Variants in WDSUB1 observed in about 807,000 individuals in gnomAD.
WDSUB1 encodes the protein WD repeat, sterile alpha motif and U-box domain containing 1.
WDSUB1 carries 49 observed loss-of-function variants against 53.9 expected under a neutral mutation model. The observed-to-expected ratio is 0.91, with a 90% CI of 0.72 to 1.15. The LOEUF is 1.15. WDSUB1 is among the 50% of genes most tolerant of loss of function. The probability of loss-of-function intolerance (pLI) is 0.00; values close to 1 mark genes in which losing one functional copy is unlikely to be tolerated. For missense variants in WDSUB1, 514 were observed against 562.0 expected, an observed-to-expected ratio of 0.91 and a Z score of 0.86; for synonymous variants, 194 against 200.6, an observed-to-expected ratio of 0.97 and a Z score of 0.28.
At chr2:159,245,958 T>C (rs73004950) in intron 10 of WDSUB1, among the ~76,000 whole-genome samples, 1,959 of 152,256 alleles carry the variant, frequency 0.013, 44 homozygotes, top group African/African-American at 0.044. Flanking sequence ...AGAGAAACTA[T>C]GTGCAATACA....
intron 10 of WDSUB1, among the ~76,000 whole-genome samples, chr2:159,246,077 G>A (rs774543547): frequency 2.0e-5 from 3 of 152,222 alleles, no homozygotes; most frequent in African/African-American, 7.2e-5. Context: ...ATATATGACT[G>A]GATAAATAAG....
At chr2:159,254,301 T>G (rs888743935) in intron 9 of WDSUB1, among the ~76,000 whole-genome samples, 22 of 152,178 alleles carry the variant, frequency 1.4e-4, no homozygotes. Flanking sequence ...GGCTCATGCC[T>G]GTAATCCTAG....
chr2:159,262,194 C>G (rs1255224432), intron 5 of WDSUB1, among the ~76,000 whole-genome samples: 1 of 151,854 alleles, frequency 6.6e-6, no homozygotes, highest in African/African-American at 2.4e-5. Context: ...TAGACTACCA[C>G]CAGAGACAAT....
chr2:159,254,880 C>G (rs1279243880), intron 9 of WDSUB1, among the ~76,000 whole-genome samples: 1 of 151,948 alleles, frequency 6.6e-6, no homozygotes, highest in Non-Finnish European at 1.5e-5. Flanking sequence ...CCCATAATCC[C>G]AACACTTTGG....
At chr2:159,240,216 T>C (rs2060607877) in intron 10 of WDSUB1, among the ~76,000 whole-genome samples, 1 of 151,586 alleles carries the variant, frequency 6.6e-6, no homozygotes. Flanking sequence ...CTCTACATAT[T>C]TGTGCATTTT....
chr2:159,242,981 G>A (rs1371095929), intron 10 of WDSUB1, among the ~76,000 whole-genome samples: 5 of 147,846 alleles, frequency 3.4e-5, no homozygotes, highest in South Asian at 2.1e-4. Flanking sequence ...AAATGTAGGT[G>A]GGAAAAGGAA....
rs2061447576 is a variant in WDSUB1, at chr2:159,271,745, G to C, written c.727C>G (p.Leu243Val). The C allele has an allele frequency of 6.2e-7, 1 of 1,614,022 alleles. No homozygotes were observed. The highest frequency in any genetic ancestry group is 1.1e-5 in the South Asian group (1 of 91,086). Residue 243 changes from leucine to valine, a missense_variant, in exon 5 of 11, where the codon CTG (leucine) becomes GTG (valine). Transcript: ENST00000359774. ...STLSGHCAPVLACAFSHDGQM... is the reference protein window; with the variant it reads ...STLSGHCAPVVACAFSHDGQM... ...CCATCATGGGAAAAAGCACAAGCCA[G>C]AACAGGAGCACAGTGCCCACTCAGT...
At chr2:159,283,361 G>A (rs147848173) in intron 1 of WDSUB1, among the ~76,000 whole-genome samples, 4 of 152,054 alleles carry the variant, frequency 2.6e-5, no homozygotes, top group African/African-American at 9.7e-5. Context: ...GCACACCCTC[G>A]ATCCCTCGCA....
intron 10 of WDSUB1, among the ~76,000 whole-genome samples, chr2:159,241,105 CGGTGAA>C (rs1402811892): frequency 1.3e-5 from 2 of 152,144 alleles, no homozygotes; most frequent in Non-Finnish European, 2.9e-5. Flanking sequence ...TAACCCAACA[CGGTGAA>C]GGCTCTAGAG....
Position 159,236,127 on chromosome 2 carries a change from G to GGACTT in WDSUB1, c.1332_1336dup (p.Pro446GlnfsTer4). The GGACTT allele has an allele frequency of 6.2e-7, 1 of 1,613,758 alleles. No homozygotes were observed. The highest frequency in any genetic ancestry group is 8.5e-7 in the Non-Finnish European group (1 of 1,179,860). ...TGAAGGAAGAACAAGATTTGTCATGGGACTTGTACGTTTCTTTTTGCTGAT... is the reference window on the plus strand; with the variant it reads ...TGAAGGAAGAACAAGATTTGTCATGGGACTTGACTTGTACGTTTCTTTTTGCTGAT... On this transcript the variant is annotated frameshift_variant, in exon 11 of 11. Transcript: ENST00000359774. LOFTEE classifies it high-confidence loss of function.
intron 9 of WDSUB1, among the ~76,000 whole-genome samples, chr2:159,255,438 G>C (rs375199614): frequency 2.0e-5 from 3 of 151,996 alleles, no homozygotes; most frequent in East Asian, 1.9e-4. Flanking sequence ...CTGCACACCG[G>C]CCTGGGTGAC....
chr2:159,239,903 T>C (rs931513132), intron 10 of WDSUB1, among the ~76,000 whole-genome samples: 12 of 152,350 alleles, frequency 7.9e-5, no homozygotes, highest in African/African-American at 2.9e-4. Context: ...TCCTCCGTCC[T>C]AGAGAAGGAA....
At chr2:159,243,700 G>A (rs1311899863) in intron 10 of WDSUB1, among the ~76,000 whole-genome samples, 4 of 152,140 alleles carry the variant, frequency 2.6e-5, no homozygotes, top group Non-Finnish European at 5.9e-5. Flanking sequence ...ATACACTGCT[G>A]GTGGGCATAG....
chr2:159,237,640 A>G (rs1406750131), intron 10 of WDSUB1, among the ~76,000 whole-genome samples: 2 of 152,208 alleles, frequency 1.3e-5, no homozygotes, highest in Non-Finnish European at 2.9e-5. Flanking sequence ...CCATTTTCAA[A>G]TATGTATATG....
rs370310626 is a variant in WDSUB1 at position 159,245,458 on chromosome 2, G to A, written c.1273+2914C>T. Among the ~76,000 whole-genome samples the A allele has an allele frequency of 2.9e-4, 44 of 152,014 alleles. No individual in the cohort carries two copies. In the South Asian group the frequency reaches 2.9e-3, roughly 10 times the overall value. ...TGAGGCATGAGAATCACGTGAACCC[G>A]GGAGGCGGAGGTTGCAGTAAGCCGA... is the stretch of plus-strand genomic sequence containing the variant. On this transcript the variant is annotated intron_variant, in intron 10 of 10. Coordinates refer to ENST00000359774, the MANE Select transcript of WDSUB1 (RefSeq NM_001128212.3).
intron 5 of WDSUB1, among the ~76,000 whole-genome samples, chr2:159,268,908 C>A (rs1283438111): frequency 6.6e-6 from 1 of 151,790 alleles, no homozygotes; most frequent in Non-Finnish European, 1.5e-5. Flanking sequence ...ATTAAGAATT[C>A]AATGGACCAG....
At chr2:159,286,535 C>T (rs904113585) in intron 1 of WDSUB1, 48 bp downstream of exon 1, 58 of 152,344 alleles carry the variant, frequency 3.8e-4, no homozygotes, top group African/African-American at 1.3e-3. Flanking sequence ...CGCTTCCCCA[C>T]CTGCCGCCAC....
intron 1 of WDSUB1, among the ~76,000 whole-genome samples, chr2:159,284,097 C>T (rs2061735874): frequency 6.6e-6 from 1 of 152,184 alleles, no homozygotes; most frequent in Non-Finnish European, 1.5e-5. Flanking sequence ...CCAGCGTGAG[C>T]CACCGTACCC....
chr2:159,245,205 T>C (rs2060765366), intron 10 of WDSUB1, among the ~76,000 whole-genome samples: 1 of 152,198 alleles, frequency 6.6e-6, no homozygotes, highest in East Asian at 1.9e-4. Context: ...AACTAAGTCA[T>C]GTGATTTTCA....
Sources: gnomAD v4.1 joint callset for allele counts (sites outside exome capture counted in the v4.1 genomes callset) on GRCh38, gnomAD v4.1.1 for gene constraint, MANE v1.5 for transcripts, NCBI Gene and HGNC (gene_info 2026-07-23, HGNC 2026-07-21) for gene names.